ZNF646: variants seen among roughly 807,000 people sequenced by gnomAD.
ZNF646 encodes zinc finger protein 646.
ZNF646 carries 49 observed loss-of-function variants against 115.4 expected under a neutral mutation model. The observed-to-expected ratio is 0.42, with a 90% confidence interval of 0.34 to 0.54. The LOEUF is 0.54. Among genes scored for constraint, ZNF646 ranks in the 20% least tolerant of loss-of-function variants. The pLI, the probability that ZNF646 is intolerant of heterozygous loss-of-function variation, is 0.04. For synonymous variants in ZNF646, 933 were observed against 939.0 expected (o/e 0.99, Z 0.12); for missense variants, 2,269 against 2,457.9 (o/e 0.92, Z 1.62).
rs773187372 is a variant in ZNF646 at position 31,080,332 on chromosome 16, C to T, written c.4008C>T (p.Ser1336=). ...YSCPTCPKTY[S]NRMALKDHQR... is the part of the protein sequence containing the mutation. ...GCCCCACCTGCCCCAAGACCTACTCCAACCGCATGGCCCTGAAGGACCACC... is the reference window on the plus strand; with the variant it reads ...GCCCCACCTGCCCCAAGACCTACTCTAACCGCATGGCCCTGAAGGACCACC... The change falls in exon 2 of 3, where the codon TCC becomes TCT. Residue 1336 remains serine (S), a synonymous_variant. Coordinates refer to ENST00000300850, the MANE Select transcript of ZNF646 (RefSeq NM_014699.4). 4.3e-6 allele frequency: 7 copies of T among 1,613,602 alleles called. No homozygotes were observed. Among genetic ancestry groups the T allele is most frequent in the African/African-American group, 1.3e-5 (1 of 75,072 alleles).
chr16:31,074,756 A>G (rs553039410), intron 1 of ZNF646, 125 bp downstream of exon 1: 1 of 152,172 alleles, frequency 6.6e-6, no homozygotes, highest in Admixed American at 6.5e-5. Context: ...AGACGAGATG[A>G]GTGAGGTCAG....
Position 31,083,623 on chromosome 16 carries a change from G to T in ZNF646, c.*531G>T. ...TCCACAGACACCCCTGTCCTGCAGG[G>T]TGGGGAGTGGGCACCTGTGGCCCCA... is the stretch of plus-strand genomic sequence containing the variant. On this transcript the variant is annotated 3_prime_UTR_variant, in exon 3 of 3. Coordinates refer to ENST00000300850, the MANE Select transcript of ZNF646 (RefSeq NM_014699.4). The T allele has an allele frequency of 6.6e-7, 1 of 1,508,292 alleles. No individual in the cohort carries two copies. The highest frequency in any genetic ancestry group is 8.9e-7 in the Non-Finnish European group (1 of 1,123,820). The allele number at this position is 1,508,292 out of a possible 1,614,324, so 93.4% of individuals were successfully genotyped here.
At chr16:31,082,810 A>G (rs2057181216) in intron 2 of ZNF646, 161 bp from the exon 3 acceptor site, 1 of 894,502 alleles carries the variant, frequency 1.1e-6, no homozygotes, top group Non-Finnish European at 1.7e-6. Context: ...GGGAGGAGCC[A>G]GTTTGCCAGG....
At chr16:31,074,880 C>T (rs1277479579) in intron 1 of ZNF646, 1 of 152,084 alleles carries the variant, frequency 6.6e-6, no homozygotes, top group Non-Finnish European at 1.5e-5. Context: ...GACAGTTGTA[C>T]TGGGGTCCCA....
At chr16:31,082,828 A>C in intron 2 of ZNF646, 143 bp from the exon 3 acceptor site, 2 of 1,133,080 alleles carry the variant, frequency 1.8e-6, no homozygotes, top group Non-Finnish European at 2.5e-6. Context: ...AGGGCTGGGA[A>C]AATAATTAGG....
chr16:31,078,506 G>A lies in ZNF646; in HGVS notation c.2182G>A (p.Asp728Asn). 6.3e-7 allele frequency: 1 copy of A among 1,593,272 alleles called. No individual in the cohort carries two copies. Among genetic ancestry groups the A allele is most frequent in the Non-Finnish European group, 8.6e-7 (1 of 1,167,140 alleles). ...TGAAGGCAACCTGGAAAGTGATGGG[G>A]ACTGTTTGCAGGCTGAATCTGAAGG... ...GAEGNLESDG[D>N]CLQAESEGDK... Residue 728 changes from aspartate (D) to asparagine (N), a missense_variant, in exon 2 of 3, where the codon GAC becomes AAC. Physicochemically the swap from Asp to Asn is conservative, Grantham distance 23 (BLOSUM62 1). Around this residue, in one of 5 missense-constraint regions of ZNF646, gnomAD observed 852 missense variants for 900.2 expected, o/e 0.95. Coordinates refer to ENST00000300850, the MANE Select transcript of ZNF646 (RefSeq NM_014699.4).
In ZNF646 at chr16:31,079,863, A is replaced by T. The variant is rs765915604; in HGVS notation, c.3539A>T (p.Glu1180Val). The T allele has an allele frequency of 2.5e-6, 4 of 1,612,700 alleles. No individual in the cohort carries two copies. The East Asian group carries it at 8.9e-5, about 36-fold the overall frequency. Residue 1180 changes from glutamate (E) to valine (V), a missense_variant, in exon 2 of 3, where the codon GAG (glutamate) becomes GTG (valine). This residue lies in a region of ZNF646 where 1,062 missense variants were observed against 1,172.8 expected (regional missense o/e 0.91). Coordinates refer to ENST00000300850, the MANE Select transcript of ZNF646 (RefSeq NM_014699.4). This position sits in a 1 kb window ranked among gnomAD's most constrained non-coding sequence, Gnocchi z 5.5. Reference sequence around the variant, plus strand: ...TGGGAGGAGACCACTGTGAAGGGGGAGGAGATAGAGCCCAGGCTGGAGACT... The same window carrying T: ...TGGGAGGAGACCACTGTGAAGGGGGTGGAGATAGAGCCCAGGCTGGAGACT... ...EVWEETTVKG[E>V]EIEPRLETAE...
In ZNF646 at chr16:31,081,221, G is replaced by A. The variant is rs376211451; in HGVS notation, c.4897G>A (p.Val1633Met). The A allele has an allele frequency of 2.1e-5, 34 of 1,591,354 alleles. No individual in the cohort carries two copies. The African/African-American group carries it at 3.4e-4, about 16-fold the overall frequency. ...DPKAGTGEDQ[V>M]VLPGQGKAQE... ...CAAAGCCGGGACTGGGGAGGACCAGGTGGTTCTCCCTGGTCAAGGGAAAGC... is the reference window on the plus strand; with the variant it reads ...CAAAGCCGGGACTGGGGAGGACCAGATGGTTCTCCCTGGTCAAGGGAAAGC... Residue 1633 changes from valine to methionine, a missense_variant, in exon 2 of 3, where the codon GTG (valine) becomes ATG (methionine). Physicochemically the swap from Val to Met is conservative, Grantham distance 21 (BLOSUM62 1). Transcript: ENST00000300850.
At chr16:31,074,386 G>A (rs1437339862), upstream of ZNF646, 1 of 152,272 alleles carries the variant, frequency 6.6e-6, no homozygotes, top group Admixed American at 6.5e-5. Flanking sequence ...AGTTTCGCGG[G>A]GAAGCTTTTG....
rs758461491 is a variant in ZNF646 at position 31,078,403 on chromosome 16, G to C, written c.2079G>C (p.Glu693Asp). The C allele has an allele frequency of 2.5e-6, 4 of 1,611,166 alleles. No individual in the cohort carries two copies. Among genetic ancestry groups the C allele is most frequent in the Admixed American group, 1.7e-5 (1 of 59,824 alleles). Reference sequence around the variant, plus strand: ...GAGAAGCCAAACTCCTGGCAGCGGAGAGCTGGACCCGGGAGCTAGAAGACA... The same window carrying C: ...GAGAAGCCAAACTCCTGGCAGCGGACAGCTGGACCCGGGAGCTAGAAGACA... ...GGREAKLLAA[E>D]SWTRELEDNE... Residue 693 changes from glutamate to aspartate, a missense_variant, in exon 2 of 3, where the codon GAG (glutamate) becomes GAC (aspartate). By Grantham distance (45) the Glu-to-Asp change is conservative. This residue lies in a region of ZNF646 where 852 missense variants were observed against 900.2 expected (regional missense o/e 0.95). Coordinates refer to ENST00000300850, the MANE Select transcript of ZNF646 (RefSeq NM_014699.4).
In ZNF646 at chr16:31,079,454, T is replaced by A. The variant is rs1300490888; in HGVS notation, c.3130T>A (p.Leu1044Met). The change falls in exon 2 of 3, where the codon TTG becomes ATG. Residue 1044 changes from leucine (L) to methionine (M), a missense_variant. Physicochemically the swap from Leu to Met is conservative, Grantham distance 15 (BLOSUM62 2). This residue lies in a region of ZNF646 where 1,062 missense variants were observed against 1,172.8 expected (regional missense o/e 0.91). Transcript: ENST00000300850. The surrounding 1 kb of genome is among the most constrained non-coding windows in gnomAD (Gnocchi z 5.5). Reference protein sequence around the residue: ...DSLCIQGGESLLEAQPRPFRC... With the variant: ...DSLCIQGGESMLEAQPRPFRC... ...CCTCTGCATCCAGGGTGGGGAAAGT[T>A]TGTTGGAGGCTCAGCCCCGCCCCTT... The A allele has an allele frequency of 6.2e-7, 1 of 1,613,232 alleles. No individual in the cohort carries two copies. Among genetic ancestry groups the A allele is most frequent in the African/African-American group, 1.3e-5 (1 of 74,786 alleles).
rs759510827 is a variant in ZNF646 at position 31,080,975 on chromosome 16, A to G, written c.4651A>G (p.Thr1551Ala). ...CQSGSLLNHN[T>A]NKTDRHYCLL... ...GTCAGGCAGCCTCTTGAACCACAAC[A>G]CCAACAAGACAGACCGACACTATTG... The change falls in exon 2 of 3, where the codon ACC becomes GCC. Residue 1551 changes from threonine (T) to alanine (A), a missense_variant. Around this residue, in one of 5 missense-constraint regions of ZNF646, gnomAD observed 1,062 missense variants for 1,172.8 expected, o/e 0.91. Transcript: ENST00000300850. 1.5e-5 allele frequency: 24 copies of G among 1,613,948 alleles called. No individual in the cohort carries two copies. Among genetic ancestry groups the G allele is most frequent in the Non-Finnish European group, 1.9e-5 (23 of 1,180,026 alleles).
In ZNF646 at chr16:31,077,885, A is replaced by G. The variant is rs146467604; in HGVS notation, c.1561A>G (p.Ser521Gly). 1,022 of 1,613,780 alleles carry G rather than the reference A, an allele frequency of 6.3e-4. 2 individuals carry two copies. Among genetic ancestry groups the G allele is most frequent in the Non-Finnish European group, 8.0e-4 (945 of 1,180,022 alleles). ...VRVHCKAARR[S>G]ADIGAEGAPS... ...GGTACATTGCAAGGCTGCTCGCCGA[A>G]GTGCAGACATCGGGGCTGAGGGTGC... Residue 521 changes from serine (S) to glycine (G), a missense_variant, in exon 2 of 3, where the codon AGT becomes GGT. Transcript: ENST00000300850.
At chr16:31,075,367 A>G (rs760574717) in intron 1 of ZNF646, among the ~76,000 whole-genome samples, 37 of 152,096 alleles carry the variant, frequency 2.4e-4, no homozygotes, top group Middle Eastern at 3.2e-3. Flanking sequence ...GTGGGATCTC[A>G]GCTCACTGCA....
In ZNF646 at chr16:31,079,695, A is replaced by G; in HGVS notation, c.3371A>G (p.Gln1124Arg). The change falls in exon 2 of 3, where the codon CAG becomes CGG. Residue 1124 changes from glutamine to arginine, a missense_variant. This residue lies in a region of ZNF646 where 1,062 missense variants were observed against 1,172.8 expected (regional missense o/e 0.91). Transcript: ENST00000300850. The surrounding 1 kb of genome is among the most constrained non-coding windows in gnomAD (Gnocchi z 5.5). ...GAGGCAGCAGGTAGCAGTGAGCTGC[A>G]GGTTGGGCCCATCCCAGAAGGAGGC... ...IPEAAGSSEL[Q>R]VGPIPEGGSN... is the part of the protein sequence containing the mutation. The G allele has an allele frequency of 6.2e-7, 1 of 1,613,656 alleles. No homozygotes were observed. The highest frequency in any genetic ancestry group is 8.5e-7 in the Non-Finnish European group (1 of 1,179,998).
rs375723605 is a variant in ZNF646 at position 31,077,325 on chromosome 16, A to G, written c.1001A>G (p.Asn334Ser). 55 of 1,613,320 alleles carry G rather than the reference A, an allele frequency of 3.4e-5. 1 individual carries two copies. Among genetic ancestry groups the G allele is most frequent in the South Asian group, 1.3e-4 (12 of 91,022 alleles). The change falls in exon 2 of 3, where the codon AAT becomes AGT. Residue 334 changes from asparagine (N) to serine (S), a missense_variant. Asn to Ser is a conservative substitution (Grantham distance 46, BLOSUM62 1). Around this residue, in one of 5 missense-constraint regions of ZNF646, gnomAD observed 852 missense variants for 900.2 expected, o/e 0.95. Transcript: ENST00000300850. ...RWEEKGMPTT[N>S]GHTDESSQDQ... ...GAGGAGAAAGGGATGCCCACCACCA[A>G]TGGGCACACAGATGAGAGCAGCCAG...
Position 31,082,984 on chromosome 16 carries a change from A to T in ZNF646, c.5391A>T (p.Ala1797=). 1 of 1,598,928 alleles carries T rather than the reference A, an allele frequency of 6.3e-7. No homozygotes were observed. Among genetic ancestry groups the T allele is most frequent in the Non-Finnish European group, 8.5e-7 (1 of 1,172,484 alleles). The change falls in exon 3 of 3, where the codon GCA becomes GCT. Residue 1797 remains alanine, a synonymous_variant. Transcript: ENST00000300850. ...CTCTCCCCCCAGGAGCCCCAGTGGC[A>T]CCAGTGACGGGCAGAGGGGACTTGC... ...WTVAGSGAPV[A]PVTGRGDLPL...
Position 31,083,828 on chromosome 16 carries a change from G to A in ZNF646, c.*736G>A. On this transcript the variant is annotated 3_prime_UTR_variant, in exon 3 of 3. Coordinates refer to ENST00000300850, the MANE Select transcript of ZNF646 (RefSeq NM_014699.4). Reference sequence around the variant, plus strand: ...GGTTGGCCTGTGGGGAAGGAAGGAGGGTGGAGTTGTCCTCATCCTCACGGC... The same window carrying A: ...GGTTGGCCTGTGGGGAAGGAAGGAGAGTGGAGTTGTCCTCATCCTCACGGC... 6.2e-7 allele frequency: 1 copy of A among 1,613,964 alleles called. No homozygotes were observed. The highest frequency in any genetic ancestry group is 8.5e-7 in the Non-Finnish European group (1 of 1,179,862).
At position 31,084,053 on chromosome 16, in the gene ZNF646, G is replaced by A. The variant is rs989202269; in HGVS notation, c.*961G>A. 44 of 1,528,042 alleles carry A rather than the reference G, an allele frequency of 2.9e-5. No individual in the cohort carries two copies. In the South Asian group the frequency reaches 4.4e-4, roughly 15 times the overall value. The allele number at this position is 1,528,042 out of a possible 1,614,324, so 94.7% of individuals were successfully genotyped here. A position where few individuals can be genotyped will look rare whatever the true frequency, so the allele number is the denominator to read the frequency against. On this transcript the variant is annotated 3_prime_UTR_variant, in exon 3 of 3. Transcript: ENST00000300850. ...CAGCTGGAGTGGGTTAGAACGGCAC[G>A]TTCTCACTGGAGAGAGAAGGGTCCT...
Sources: allele counts gnomAD v4.1 joint callset (sites outside exome capture counted in the v4.1 genomes callset), GRCh38; gene constraint gnomAD v4.1.1; regional missense constraint gnomAD v4.1.1; non-coding constraint Gnocchi (gnomAD v3.1); transcripts MANE v1.5; gene names NCBI Gene and HGNC (gene_info 2026-07-23, HGNC 2026-07-21).